The following SQOR variants were observed in gnomAD, a reference collection of about 807,000 sequenced individuals.
SQOR encodes sulfide quinone oxidoreductase.
In SQOR, 39 loss-of-function variants were observed where a neutral mutation model predicts 48.6. That is an observed-to-expected ratio of 0.80 (90% CI 0.62 to 1.05). SQOR has a LOEUF of 1.05. Among genes scored for constraint, SQOR ranks in the 50% least tolerant of loss-of-function variants. SQOR has a pLI of 0.00. For missense variants in SQOR, 561 were observed against 559.9 expected (o/e 1.00, Z -0.02); for synonymous variants, 220 against 206.2 (o/e 1.07, Z -0.57).
intron 4 of SQOR, among the ~76,000 whole-genome samples, chr15:45,672,664 C>G (rs1318461414): frequency 3.9e-5 from 6 of 152,182 alleles, no homozygotes; most frequent in Non-Finnish European, 8.8e-5. Flanking sequence ...AGGCTTAAGT[C>G]TCTTTAACTC....
At chr15:45,664,663 C>G (rs1442913410) in intron 3 of SQOR, among the ~76,000 whole-genome samples, 1 of 152,090 alleles carries the variant, frequency 6.6e-6, no homozygotes, top group Non-Finnish European at 1.5e-5. Context: ...TGACAGTTAC[C>G]ACGGTGCTGA....
intron 7 of SQOR, among the ~76,000 whole-genome samples, chr15:45,688,061 A>C (rs1475200828): frequency 6.6e-6 from 1 of 152,152 alleles, no homozygotes; most frequent in Non-Finnish European, 1.5e-5. Flanking sequence ...CCAAGAGGAG[A>C]GGCAGTGGAT....
chr15:45,655,413 A>G (rs1889582735), intron 1 of SQOR, among the ~76,000 whole-genome samples: 1 of 152,214 alleles, frequency 6.6e-6, no homozygotes, highest in South Asian at 2.1e-4. Flanking sequence ...GCAGGATGTG[A>G]TGACTGGGTA....
intron 1 of SQOR, among the ~76,000 whole-genome samples, chr15:45,648,987 C>G (rs954576729): frequency 6.6e-6 from 1 of 152,222 alleles, no homozygotes; most frequent in African/African-American, 2.4e-5. Context: ...GCAAAAATAG[C>G]TGAAGGGTTG....
At chr15:45,667,832 T>G (rs1162879932) in intron 3 of SQOR, among the ~76,000 whole-genome samples, 1 of 152,118 alleles carries the variant, frequency 6.6e-6, no homozygotes, top group Admixed American at 6.5e-5. Context: ...TTACCTAATA[T>G]GCCCGGATTG....
In SQOR at chr15:45,657,158, G is replaced by A. The variant is rs547951996; in HGVS notation, c.-17-1749G>A. On this transcript the variant is annotated intron_variant, in intron 1 of 9. Coordinates refer to ENST00000260324, the MANE Select transcript of SQOR (RefSeq NM_021199.4). ...TAAAAGACTTCAGAAATCATCTTGTGTTCCATATTTTAGTTAACCTTTCCC... is the reference window on the plus strand; with the variant it reads ...TAAAAGACTTCAGAAATCATCTTGTATTCCATATTTTAGTTAACCTTTCCC... Among the ~76,000 whole-genome samples the A allele has an allele frequency of 3.9e-5, 6 of 152,110 alleles. No homozygotes were observed. In the East Asian group the frequency reaches 7.7e-4, roughly 20 times the overall value.
At chr15:45,675,697 G>T (rs1308271322) in intron 5 of SQOR, among the ~76,000 whole-genome samples, 2 of 152,156 alleles carry the variant, frequency 1.3e-5, no homozygotes, top group East Asian at 3.8e-4. Context: ...ACTGCGCCTG[G>T]CTGGAACTCA....
intron 1 of SQOR, among the ~76,000 whole-genome samples, chr15:45,638,299 G>A (rs546666047): frequency 6.6e-6 from 1 of 152,320 alleles, no homozygotes; most frequent in South Asian, 2.1e-4. Flanking sequence ...TGTATTAGGA[G>A]ATAGTGCCTT....
chr15:45,638,647 C>A lies in SQOR; in HGVS notation c.-18+3539C>A, dbSNP rs150852273. ...GCTGAGGCATGAGACTTGCTTGAAC[C>A]GGAGAGGAGGAAGTTGCATTGAGCC... is the stretch of plus-strand genomic sequence containing the variant. On this transcript the variant is annotated intron_variant, in intron 1 of 9. Transcript: ENST00000260324. 6.0e-3 allele frequency among the ~76,000 whole-genome samples: 916 copies of A among 151,536 alleles called. 9 individuals are homozygous for A. The highest frequency in any genetic ancestry group is 0.021 in the African/African-American group (881 of 41,266).
intron 4 of SQOR, among the ~76,000 whole-genome samples, chr15:45,673,275 T>C (rs1360974684): frequency 6.6e-6 from 1 of 152,222 alleles, no homozygotes; most frequent in Non-Finnish European, 1.5e-5. Flanking sequence ...AGTTGTTCTT[T>C]CCAGTGAGGC....
chr15:45,672,118 ACTGCTTGTTT>A (rs1381691871), intron 4 of SQOR, among the ~76,000 whole-genome samples: 3 of 152,146 alleles, frequency 2.0e-5, no homozygotes, highest in Non-Finnish European at 4.4e-5. Context: ...TAAGACATCA[ACTGCTTGTTT>A]CTGCTTGTTT....
At chr15:45,634,189 C>G (rs1477219229), upstream of SQOR, among the ~76,000 whole-genome samples, 3 of 30,026 alleles carry the variant, frequency 1.0e-4, no homozygotes, top group African/African-American at 4.4e-4. Flanking sequence ...CAAAAAACAA[C>G]AACAACAACT....
chr15:45,684,887 A>G (rs956773058), intron 7 of SQOR, among the ~76,000 whole-genome samples: 1 of 152,192 alleles, frequency 6.6e-6, no homozygotes, highest in African/African-American at 2.4e-5. Context: ...CGTGGCTTTC[A>G]CAGTCCCCCA....
Position 45,691,243 on chromosome 15 carries a change from A to C in SQOR, c.*213A>C. 1.9e-6 allele frequency: 1 copy of C among 523,414 alleles called. No homozygotes were observed. Among genetic ancestry groups the C allele is most frequent in the Admixed American group, 3.5e-5 (1 of 28,336 alleles). 32.4% of individuals were successfully genotyped at this position (523,414 alleles called of 1,614,324 possible). A position where few individuals can be genotyped will look rare whatever the true frequency, so the allele number is the denominator to read the frequency against. Reference sequence around the variant, plus strand: ...TGATTCTTTGGGAATAATAAAATGAAATAATACTTTTATTTTCTGAATAAA... The same window carrying C: ...TGATTCTTTGGGAATAATAAAATGACATAATACTTTTATTTTCTGAATAAA... On this transcript the variant is annotated 3_prime_UTR_variant, in exon 10 of 10. Coordinates refer to ENST00000260324, the MANE Select transcript of SQOR (RefSeq NM_021199.4).
chr15:45,639,467 A>G (rs1895068210), intron 1 of SQOR, among the ~76,000 whole-genome samples: 1 of 152,242 alleles, frequency 6.6e-6, no homozygotes, highest in Non-Finnish European at 1.5e-5. Flanking sequence ...GGGAACTTTC[A>G]TGCCACCTAG....
chr15:45,670,430 C>T (rs1889918767), intron 4 of SQOR, among the ~76,000 whole-genome samples: 1 of 152,142 alleles, frequency 6.6e-6, no homozygotes, highest in Admixed American at 6.5e-5. Flanking sequence ...TGTGTCGATA[C>T]TGGGTTTTTA....
intron 8 of SQOR, 116 bp downstream of exon 8, chr15:45,688,520 T>TTC (rs2140964869): frequency 1.2e-6 from 1 of 804,782 alleles, no homozygotes; most frequent in East Asian, 3.0e-5. Context: ...TTTTTCTTTT[T>TTC]TTTTTTTTTG....
intron 3 of SQOR, among the ~76,000 whole-genome samples, chr15:45,664,654 G>A (rs567254540): frequency 3.2e-4 from 49 of 152,212 alleles, no homozygotes; most frequent in African/African-American, 1.1e-3. Context: ...CCTTTTTCGT[G>A]ACAGTTACCA....
intron 3 of SQOR, 100 bp from the exon 4 acceptor site, chr15:45,669,828 C>T: frequency 1.0e-6 from 1 of 960,832 alleles, no homozygotes; most frequent in South Asian, 1.3e-5. Flanking sequence ...TATTTCCCTG[C>T]CTCCCTTAGA....
Sources: gnomAD v4.1 joint callset for allele counts (sites outside exome capture counted in the v4.1 genomes callset) on GRCh38, gnomAD v4.1.1 for gene constraint, MANE v1.5 for transcripts, NCBI Gene and HGNC (gene_info 2026-07-23, HGNC 2026-07-21) for gene names.